PCDHAC1: variants seen among roughly 807,000 people sequenced by gnomAD.
The protein encoded by PCDHAC1 is protocadherin alpha-C1.
Under a neutral mutation model 60.0 loss-of-function variants are expected in PCDHAC1, and 42 were observed. The observed-to-expected ratio is 0.70, with a 90% confidence interval of 0.55 to 0.90. The LOEUF (loss-of-function observed/expected upper bound fraction) is 0.90, where lower values mean the gene tolerates loss of function less well. Ranked by LOEUF, PCDHAC1 falls within the 40% of genes least tolerant of loss-of-function variation. The probability of loss-of-function intolerance (pLI) is 0.00; values close to 1 mark genes in which losing one functional copy is unlikely to be tolerated. For missense variants in PCDHAC1, 1,160 were observed against 1,222.3 expected (o/e 0.95, Z 0.76); for synonymous variants, 468 against 499.3 (o/e 0.94, Z 0.84).
In PCDHAC1 at chr5:141,012,190, T is replaced by C. The variant is rs1002658582; in HGVS notation, c.*2253T>C. On this transcript the variant is annotated 3_prime_UTR_variant, in exon 4 of 4. Transcript: ENST00000253807. ...TTAATGATGATAATTATAATGTATCTGTACAGCACTTTTTACATTTGCGAA... is the reference window on the plus strand; with the variant it reads ...TTAATGATGATAATTATAATGTATCCGTACAGCACTTTTTACATTTGCGAA... The C allele has an allele frequency of 2.0e-5, 3 of 153,780 alleles. No homozygotes were observed. Among genetic ancestry groups the C allele is most frequent in the African/African-American group, 7.2e-5 (3 of 41,458 alleles). 9.5% of individuals were successfully genotyped at this position (153,780 alleles called of 1,614,324 possible).
rs1238131938 is a variant in PCDHAC1, at chr5:141,010,564, G to A, written c.*627G>A. Reference sequence around the variant, plus strand: ...GAGACAAAACTACCCCCACTGACAAGGCTTTAGGAGACCCTAAAGTCTGTT... The same window carrying A: ...GAGACAAAACTACCCCCACTGACAAAGCTTTAGGAGACCCTAAAGTCTGTT... On this transcript the variant is annotated 3_prime_UTR_variant, in exon 4 of 4. Coordinates refer to ENST00000253807, the MANE Select transcript of PCDHAC1 (RefSeq NM_018898.5). 1 of 289,402 alleles carries A rather than the reference G, an allele frequency of 3.5e-6. No homozygotes were observed. Among genetic ancestry groups the A allele is most frequent in the Non-Finnish European group, 6.5e-6 (1 of 154,048 alleles). 17.9% of individuals were successfully genotyped at this position (289,402 alleles called of 1,614,324 possible).
At chr5:141,006,584 G>C (rs1554260824) in intron 3 of PCDHAC1, among the ~76,000 whole-genome samples, 2 of 152,126 alleles carry the variant, frequency 1.3e-5, no homozygotes, top group Admixed American at 6.6e-5. Flanking sequence ...GAGGGTTGGA[G>C]AGAAGCAAAA....
At chr5:141,007,535 T>C (rs1588169762) in intron 3 of PCDHAC1, among the ~76,000 whole-genome samples, 1 of 152,050 alleles carries the variant, frequency 6.6e-6, no homozygotes, top group South Asian at 2.1e-4. Context: ...GCCACTGCAC[T>C]CCAGCTTGGG....
chr5:141,001,253 C>G (rs896546841), intron 3 of PCDHAC1, among the ~76,000 whole-genome samples: 1 of 152,078 alleles, frequency 6.6e-6, no homozygotes, highest in East Asian at 1.9e-4. Context: ...CCCTATGGGG[C>G]GGGCACTCTT....
At chr5:140,980,684 GAAAA>G (rs782726576) in intron 2 of PCDHAC1, among the ~76,000 whole-genome samples, 3 of 145,064 alleles carry the variant, frequency 2.1e-5, no homozygotes, top group Non-Finnish European at 4.6e-5. Flanking sequence ...TTTTCAAATT[GAAAA>G]AAAAAAGCCA....
chr5:140,993,819 G>A (rs2097583362), intron 3 of PCDHAC1, among the ~76,000 whole-genome samples: 1 of 152,142 alleles, frequency 6.6e-6, no homozygotes, highest in Non-Finnish European at 1.5e-5. Context: ...AGGAGCAATA[G>A]GCTATACCAT....
chr5:140,976,788 G>A (rs969853431), intron 1 of PCDHAC1, among the ~76,000 whole-genome samples: 4 of 152,218 alleles, frequency 2.6e-5, no homozygotes, highest in Middle Eastern at 3.4e-3. Flanking sequence ...ATATAGCTAC[G>A]CTTTTATGAA....
chr5:140,968,597 G>T, intron 1 of PCDHAC1: 1 of 1,614,176 alleles, frequency 6.2e-7, no homozygotes, highest in Non-Finnish European at 8.5e-7. Context: ...CATAGCTATG[G>T]ACTCAGACTC....
intron 1 of PCDHAC1, among the ~76,000 whole-genome samples, chr5:140,976,481 G>A (rs549195125): frequency 6.6e-6 from 1 of 152,160 alleles, no homozygotes; most frequent in South Asian, 2.1e-4. Flanking sequence ...AATCCGGGAG[G>A]CAGAGGTTGC....
At chr5:141,004,681 G>A (rs1554259668) in intron 3 of PCDHAC1, among the ~76,000 whole-genome samples, 1 of 152,176 alleles carries the variant, frequency 6.6e-6, no homozygotes. Flanking sequence ...CTGTGGAGTG[G>A]TGCTGAAACC....
chr5:140,979,797 C>T (rs1253949980), intron 2 of PCDHAC1, among the ~76,000 whole-genome samples: 1 of 152,154 alleles, frequency 6.6e-6, no homozygotes, highest in African/African-American at 2.4e-5. Flanking sequence ...AACAAATGAT[C>T]ACAACTATCA....
chr5:140,973,549 A>G (rs1040107774), intron 1 of PCDHAC1, among the ~76,000 whole-genome samples: 2 of 152,230 alleles, frequency 1.3e-5, no homozygotes, highest in Non-Finnish European at 2.9e-5. Context: ...ATTTATTTCA[A>G]TTACCTCTTT....
intron 1 of PCDHAC1, chr5:140,967,339 G>A (rs2153751436): frequency 6.2e-7 from 1 of 1,607,904 alleles, no homozygotes; most frequent in Non-Finnish European, 8.5e-7. Context: ...GCCCCAGCGA[G>A]CACTTCGAGC....
intron 2 of PCDHAC1, among the ~76,000 whole-genome samples, chr5:140,979,725 G>A (rs2096861699): frequency 6.6e-6 from 1 of 152,136 alleles, no homozygotes; most frequent in South Asian, 2.1e-4. Context: ...CCATGCCATG[G>A]GGCCAAATAA....
At position 140,983,206 on chromosome 5, in the gene PCDHAC1, C is replaced by G. The variant is rs184479967; in HGVS notation, c.2581+643C>G. 1.8e-3 allele frequency among the ~76,000 whole-genome samples: 271 copies of G among 152,316 alleles called. 2 individuals are homozygous for G. Among genetic ancestry groups the G allele is most frequent in the South Asian group, 2.5e-3 (12 of 4,822 alleles). On this transcript the variant is annotated intron_variant, in intron 3 of 3. Transcript: ENST00000253807. ...TCTTAGTTTAGAGGGATAATAGGGA[C>G]TATTTCCTAATCCAAACTTTCAGGA...
At chr5:140,960,476 A>G (rs900807612) in intron 1 of PCDHAC1, among the ~76,000 whole-genome samples, 3 of 152,178 alleles carry the variant, frequency 2.0e-5, no homozygotes, top group South Asian at 2.1e-4. Context: ...TCCTTCTTAC[A>G]CAGAGGTGTA....
intron 1 of PCDHAC1, among the ~76,000 whole-genome samples, chr5:140,951,950 G>A (rs1408300368): frequency 6.6e-6 from 1 of 152,120 alleles, no homozygotes; most frequent in Non-Finnish European, 1.5e-5. Flanking sequence ...GCGGGTACAG[G>A]CATTGGGTAA....
At chr5:141,007,156 G>A (rs1289202250) in intron 3 of PCDHAC1, among the ~76,000 whole-genome samples, 2 of 152,148 alleles carry the variant, frequency 1.3e-5, no homozygotes, top group Non-Finnish European at 1.5e-5. Context: ...AACTGTCAAA[G>A]AACAGTCAGA....
At chr5:140,941,099 TATTACTGG>T (rs1174229664) in intron 1 of PCDHAC1, among the ~76,000 whole-genome samples, 5 of 152,146 alleles carry the variant, frequency 3.3e-5, no homozygotes, top group Non-Finnish European at 1.5e-5. Context: ...TTTCACATAC[TATTACTGG>T]AAAGATTAGT....
Sources: gnomAD v4.1 joint callset for allele counts (sites outside exome capture counted in the v4.1 genomes callset) on GRCh38, gnomAD v4.1.1 for gene constraint, MANE v1.5 for transcripts, NCBI Gene and HGNC (gene_info 2026-07-23, HGNC 2026-07-21) for gene names.